Variants in SAMD5 observed in about 807,000 individuals in gnomAD.
The protein encoded by SAMD5 is sterile alpha motif domain containing 5, also known as sterile alpha motif domain-containing protein 5.
Under a neutral mutation model 11.3 loss-of-function variants are expected in SAMD5, and 13 were observed. The observed-to-expected ratio is 1.15, with a 90% CI of 0.75 to 1.83. SAMD5 has a LOEUF of 1.83. Among genes scored for constraint, SAMD5 ranks in the 40% most tolerant of loss-of-function variants. The pLI, the probability that SAMD5 is intolerant of heterozygous loss-of-function variation, is 0.00. For synonymous variants in SAMD5, 129 were observed against 111.3 expected (o/e 1.16, Z -1.00); for missense variants, 255 against 239.1 (o/e 1.07, Z -0.44).
At chr6:147,852,281 T>A in the SAMD5 span, among the ~76,000 whole-genome samples, 2 of 152,142 alleles carry the variant, frequency 1.3e-5, no homozygotes, top group South Asian at 4.1e-4. Flanking sequence ...TATGGATACC[T>A]CAACTTATGG....
At chr6:147,766,445 A>C in the SAMD5 span, among the ~76,000 whole-genome samples, 1 of 152,212 alleles carries the variant, frequency 6.6e-6, no homozygotes, top group African/African-American at 2.4e-5. Context: ...GCTTCAAGAG[A>C]AAATGAGCCA....
intron 1 of SAMD5, among the ~76,000 whole-genome samples, chr6:147,665,946 GTGTT>G (rs1052908756): frequency 2.6e-5 from 4 of 152,140 alleles, no homozygotes; most frequent in Admixed American, 2.6e-4. Context: ...GAGTGTGTGT[GTGTT>G]TGTTTTGAGA....
In SAMD5 at chr6:147,698,764, CAAAT is replaced by C. The variant is rs139958755; in HGVS notation, c.163-38549_163-38546del. Among the ~76,000 whole-genome samples the C allele has an allele frequency of 1.6e-3, 239 of 152,246 alleles. 3 individuals carry two copies. The highest frequency in any genetic ancestry group is 5.7e-3 in the African/African-American group (237 of 41,534). On this transcript the variant is annotated intron_variant, in intron 1 of 1. Transcript: ENST00000566741. Reference sequence around the variant, plus strand: ...AACAGACAAGCAATCGACTGGTAAACAAATAAACAAGACTGTTGAGAATTGTGAT... The same window carrying C: ...AACAGACAAGCAATCGACTGGTAAACAAACAAGACTGTTGAGAATTGTGAT...
At chr6:147,734,478 A>G (rs1333901623) in intron 1 of SAMD5, among the ~76,000 whole-genome samples, 1 of 152,088 alleles carries the variant, frequency 6.6e-6, no homozygotes, top group East Asian at 1.9e-4. Flanking sequence ...GCATTCTGGG[A>G]GACCGAGGCG....
the SAMD5 span, among the ~76,000 whole-genome samples, chr6:147,863,585 C>T: frequency 1.6e-4 from 24 of 151,940 alleles, no homozygotes; most frequent in African/African-American, 2.4e-4. Context: ...ACATCTTCCC[C>T]GACCCCCTTT....
intron 1 of SAMD5, among the ~76,000 whole-genome samples, chr6:147,735,633 A>G (rs1791788753): frequency 6.6e-6 from 1 of 151,228 alleles, no homozygotes; most frequent in African/African-American, 2.5e-5. Context: ...AAAGTTTCAG[A>G]GATCGTATCA....
At chr6:147,882,815 T>C in the SAMD5 span, among the ~76,000 whole-genome samples, 1 of 152,214 alleles carries the variant, frequency 6.6e-6, no homozygotes, top group East Asian at 1.9e-4. Context: ...TTTTGCCCTG[T>C]TATTAGGAAG....
At chr6:147,902,851 T>C in the SAMD5 span, among the ~76,000 whole-genome samples, 10 of 152,312 alleles carry the variant, frequency 6.6e-5, no homozygotes, top group East Asian at 3.9e-4. Context: ...ATTTTTATCA[T>C]AATTATGTGC....
chr6:147,908,169 T>C, the SAMD5 span, among the ~76,000 whole-genome samples: 1 of 152,210 alleles, frequency 6.6e-6, no homozygotes, highest in African/African-American at 2.4e-5. Context: ...ATTCCTACAT[T>C]TGCAGTGCAA....
At chr6:147,944,271 C>T in the SAMD5 span, among the ~76,000 whole-genome samples, 1 of 152,120 alleles carries the variant, frequency 6.6e-6, no homozygotes, top group Admixed American at 6.6e-5. Context: ...TGAGACTGGG[C>T]AATTTGCAAA....
At chr6:147,789,858 A>C in the SAMD5 span, among the ~76,000 whole-genome samples, 1 of 152,180 alleles carries the variant, frequency 6.6e-6, no homozygotes, top group Non-Finnish European at 1.5e-5. Flanking sequence ...TTTTCTCATT[A>C]AGGAAATATA....
chr6:147,746,091 A>G, the SAMD5 span, among the ~76,000 whole-genome samples: 4 of 152,124 alleles, frequency 2.6e-5, no homozygotes, highest in East Asian at 1.9e-4. Flanking sequence ...AAAAATTACT[A>G]TTTCCATCCC....
the SAMD5 span, among the ~76,000 whole-genome samples, chr6:147,918,914 C>T: frequency 6.6e-6 from 1 of 151,962 alleles, no homozygotes; most frequent in Non-Finnish European, 1.5e-5. Context: ...ACCGTGTTAG[C>T]CAGGATGGTC....
chr6:147,684,699 T>C (rs1562351249), intron 1 of SAMD5, among the ~76,000 whole-genome samples: 1 of 152,222 alleles, frequency 6.6e-6, no homozygotes, highest in Non-Finnish European at 1.5e-5. Flanking sequence ...AGATGACTAA[T>C]AAAATTGAAC....
chr6:147,947,048 C>T, the SAMD5 span, among the ~76,000 whole-genome samples: 1 of 151,300 alleles, frequency 6.6e-6, no homozygotes, highest in African/African-American at 2.5e-5. Flanking sequence ...GTCTCGTTTA[C>T]GGGGCAAATC....
the SAMD5 span, among the ~76,000 whole-genome samples, chr6:147,796,213 G>A: frequency 6.6e-6 from 1 of 151,402 alleles, no homozygotes; most frequent in South Asian, 2.1e-4. Flanking sequence ...TAACGTTTAA[G>A]TCTTTAATCC....
chr6:147,747,504 A>AT, the SAMD5 span, among the ~76,000 whole-genome samples: 1,506 of 152,192 alleles, frequency 9.9e-3, 32 homozygotes, highest in African/African-American at 0.034. Context: ...CCAAGCCGTG[A>AT]TTTTTTAAAA....
At chr6:147,742,335 G>A (rs9403885), downstream of SAMD5, among the ~76,000 whole-genome samples, 81,006 of 151,796 alleles carry the variant, frequency 0.53, 22,330 homozygotes, top group Middle Eastern at 0.65. Flanking sequence ...CCTCTGAGTC[G>A]CTTTGGGTGT....
chr6:147,570,195 A>G (rs1423002756), downstream of SAMD5, among the ~76,000 whole-genome samples: 2 of 152,220 alleles, frequency 1.3e-5, no homozygotes, highest in African/African-American at 4.8e-5. Flanking sequence ...ACTGTACATC[A>G]AAGTGAAATA....
Sources: allele counts gnomAD v4.1 joint callset (sites outside exome capture counted in the v4.1 genomes callset), GRCh38; gene constraint gnomAD v4.1.1; transcripts MANE v1.5; gene names NCBI Gene and HGNC (gene_info 2026-07-23, HGNC 2026-07-21).